The following COL4A2 variants were observed in gnomAD, a reference collection of about 807,000 sequenced individuals.
COL4A2 encodes collagen type IV alpha 2 chain.
Under a neutral mutation model 200.2 loss-of-function variants are expected in COL4A2, and 99 were observed. That is an observed-to-expected ratio of 0.49 (90% CI 0.42 to 0.58). The LOEUF is 0.58. Among genes scored for constraint, COL4A2 ranks in the 20% least tolerant of loss-of-function variants. The pLI is 0.00. For missense variants in COL4A2, 1,950 were observed against 2,314.1 expected (o/e 0.84, Z 3.23); for synonymous variants, 897 against 900.6 (o/e 1.00, Z 0.07).
intron 4 of COL4A2, among the ~76,000 whole-genome samples, chr13:110,405,795 T>C (rs989324783): frequency 2.0e-5 from 3 of 152,194 alleles, no homozygotes; most frequent in Non-Finnish European, 4.4e-5. Flanking sequence ...TCTTTCCCAC[T>C]AGTAGGTGGC....
chr13:110,362,704 T>G (rs1215590409), intron 4 of COL4A2, among the ~76,000 whole-genome samples: 1 of 152,082 alleles, frequency 6.6e-6, no homozygotes, highest in Non-Finnish European at 1.5e-5. Context: ...TCAAAGTGAG[T>G]TTCAGTTACA....
At chr13:110,367,639 A>G (rs1361387591) in intron 4 of COL4A2, among the ~76,000 whole-genome samples, 1 of 152,268 alleles carries the variant, frequency 6.6e-6, no homozygotes, top group African/African-American at 2.4e-5. Context: ...CGCATCTGTC[A>G]GCAAAAGCAG....
At chr13:110,309,113 A>G (rs1884902185) in intron 3 of COL4A2, among the ~76,000 whole-genome samples, 1 of 152,332 alleles carries the variant, frequency 6.6e-6, no homozygotes, top group South Asian at 2.1e-4. Context: ...TCATGATTTC[A>G]TTTGAATTCT....
intron 3 of COL4A2, among the ~76,000 whole-genome samples, chr13:110,317,820 G>C (rs1885180527): frequency 6.6e-6 from 1 of 152,214 alleles, no homozygotes; most frequent in Admixed American, 6.5e-5. Context: ...AATTCTGCTA[G>C]TCCTAATTTA....
At chr13:110,411,593 G>A (rs898684844) in intron 4 of COL4A2, among the ~76,000 whole-genome samples, 1 of 152,240 alleles carries the variant, frequency 6.6e-6, no homozygotes, top group Non-Finnish European at 1.5e-5. Context: ...GGTTAAAGCA[G>A]AGAAGCCATG....
intron 12 of COL4A2, among the ~76,000 whole-genome samples, chr13:110,435,884 G>A (rs1295825049): frequency 3.3e-5 from 5 of 151,756 alleles, no homozygotes; most frequent in South Asian, 4.2e-4. Flanking sequence ...TCAGCATTTC[G>A]TTTATCTCGG....
Position 110,449,802 on chromosome 13 carries a change from C to A in COL4A2, c.1189+13C>A. The A allele has an allele frequency of 6.5e-7, 1 of 1,546,094 alleles. No individual in the cohort carries two copies. The highest frequency in any genetic ancestry group is 1.2e-5 in the South Asian group (1 of 83,566). On this transcript the variant is annotated intron_variant, in intron 19 of 47. Transcript: ENST00000360467. ...ATCGGAGATGGAGGTAATGTGGCTT[C>A]ATAATATCAACACCGGAGACCCAAA...
chr13:110,357,681 C>T, intron 4 of COL4A2, 129 bp downstream of exon 4: 1 of 1,355,046 alleles, frequency 7.4e-7, no homozygotes, highest in African/African-American at 1.4e-5. Flanking sequence ...CTGGAGAGTA[C>T]TCACACAAAC....
chr13:110,313,036 T>A (rs1035110608), intron 3 of COL4A2, among the ~76,000 whole-genome samples: 1 of 152,176 alleles, frequency 6.6e-6, no homozygotes, highest in African/African-American at 2.4e-5. Context: ...CCCTTCCAGA[T>A]AAGCTCCAGA....
chr13:110,334,122 C>T (rs1284075193), intron 3 of COL4A2, among the ~76,000 whole-genome samples: 1 of 152,224 alleles, frequency 6.6e-6, no homozygotes, highest in Admixed American at 6.5e-5. Context: ...TAGACACGGC[C>T]TGAACACAGA....
intron 34 of COL4A2, among the ~76,000 whole-genome samples, chr13:110,487,400 C>T (rs1022375563): frequency 6.6e-6 from 1 of 152,216 alleles, no homozygotes; most frequent in African/African-American, 2.4e-5. Flanking sequence ...TTGCAGTGAG[C>T]CGAGATTGCG....
In COL4A2 at chr13:110,466,039, A is replaced by C; in HGVS notation, c.2015A>C (p.Asp672Ala). 1 of 1,613,876 alleles carries C rather than the reference A, an allele frequency of 6.2e-7. No homozygotes were observed. The change falls in exon 26 of 48, where the codon GAC (aspartate) becomes GCC (alanine). Residue 672 changes from aspartate to alanine, a missense_variant. Coordinates refer to ENST00000360467, the MANE Select transcript of COL4A2 (RefSeq NM_001846.4). ...DTDVKRAVGG[D>A]RQEAIQPGCI... Reference sequence around the variant, plus strand: ...GATGTGAAAAGGGCCGTTGGAGGTGACAGACAGGAGGCCATCCAGCCAGGT... The same window carrying C: ...GATGTGAAAAGGGCCGTTGGAGGTGCCAGACAGGAGGCCATCCAGCCAGGT...
At chr13:110,393,004 T>C (rs971450976) in intron 4 of COL4A2, among the ~76,000 whole-genome samples, 1 of 152,222 alleles carries the variant, frequency 6.6e-6, no homozygotes, top group Non-Finnish European at 1.5e-5. Context: ...GAGCGAGAAC[T>C]CACAGTGATT....
intron 18 of COL4A2, among the ~76,000 whole-genome samples, chr13:110,449,046 C>G (rs1018915249): frequency 1.6e-5 from 2 of 122,492 alleles, no homozygotes; most frequent in African/African-American, 5.8e-5. Context: ...TTCAGTGTGA[C>G]GCCCAGCAAA....
At chr13:110,438,524 C>G (rs752320831) in intron 14 of COL4A2, 94 bp from the exon 15 acceptor site, 1 of 1,507,400 alleles carries the variant, frequency 6.6e-7, no homozygotes, top group Admixed American at 1.7e-5. Flanking sequence ...GGGCTGAGAA[C>G]ACAGAGTCCT....
chr13:110,411,871 C>T (rs1227480790), intron 4 of COL4A2, among the ~76,000 whole-genome samples: 1 of 152,122 alleles, frequency 6.6e-6, no homozygotes, highest in Non-Finnish European at 1.5e-5. Flanking sequence ...GCCAAATGGC[C>T]CAAACCTCTC....
intron 20 of COL4A2, among the ~76,000 whole-genome samples, chr13:110,456,155 G>A (rs148951155): frequency 2.6e-5 from 4 of 152,244 alleles, no homozygotes; most frequent in African/African-American, 4.8e-5. Context: ...GGATGCCCCC[G>A]CCGGGATCAT....
chr13:110,458,928 G>A lies in COL4A2; in HGVS notation c.1590G>A (p.Gly530=), dbSNP rs775069613. 6.4e-6 allele frequency: 10 copies of A among 1,565,426 alleles called. No individual in the cohort carries two copies. In the South Asian group the frequency reaches 1.2e-4, roughly 19 times the overall value. ...PGQHGLPGFP[G]LKGVPGNIGA... ...AACACGGCCTCCCTGGGTTCCCAGGGCTCAAGGTGAGGAGCAATTTCATCA... is the reference window on the plus strand; with the variant it reads ...AACACGGCCTCCCTGGGTTCCCAGGACTCAAGGTGAGGAGCAATTTCATCA... The change falls in exon 22 of 48, where the codon GGG becomes GGA. Residue 530 remains glycine, a synonymous_variant. Coordinates refer to ENST00000360467, the MANE Select transcript of COL4A2 (RefSeq NM_001846.4).
chr13:110,394,008 T>A (rs1879092953), intron 4 of COL4A2, among the ~76,000 whole-genome samples: 1 of 152,216 alleles, frequency 6.6e-6, no homozygotes, highest in Admixed American at 6.5e-5. Flanking sequence ...CCTGCCACTA[T>A]ATGATGACTT....
Sources: gnomAD v4.1 joint callset for allele counts (sites outside exome capture counted in the v4.1 genomes callset) on GRCh38, gnomAD v4.1.1 for gene constraint, MANE v1.5 for transcripts, NCBI Gene and HGNC (gene_info 2026-07-23, HGNC 2026-07-21) for gene names.